SHOC2: variants seen among roughly 807,000 people sequenced by gnomAD.
SHOC2 encodes the protein leucine-rich repeat protein SHOC-2.
Under a neutral mutation model 50.2 loss-of-function variants are expected in SHOC2, and 4 were observed. The ratio of observed to expected loss-of-function variants is 0.08; its 90% CI spans 0.04 to 0.18. SHOC2 has a LOEUF of 0.18. Among genes scored for constraint, SHOC2 ranks in the 10% least tolerant of loss-of-function variants. SHOC2 has a pLI of 1.00. For missense variants in SHOC2, 388 were observed against 669.6 expected (o/e 0.58, Z 4.64); for synonymous variants, 218 against 244.5 (o/e 0.89, Z 1.01).
At chr10:111,006,576 T>C (rs1041319184) in intron 5 of SHOC2, among the ~76,000 whole-genome samples, 9 of 152,300 alleles carry the variant, frequency 5.9e-5, no homozygotes, top group Admixed American at 5.2e-4. Context: ...TTCACCGTTT[T>C]AGCCGGGATG....
intron 5 of SHOC2, among the ~76,000 whole-genome samples, chr10:111,006,142 G>C (rs769405278): frequency 2.6e-5 from 4 of 152,208 alleles, no homozygotes; most frequent in Non-Finnish European, 5.9e-5. Context: ...TTGCATGTAA[G>C]TAACAGTAGT....
intron 8 of SHOC2, among the ~76,000 whole-genome samples, chr10:111,010,868 A>G (rs1395362578): frequency 6.6e-6 from 1 of 152,152 alleles, no homozygotes; most frequent in East Asian, 1.9e-4. Flanking sequence ...CATGTAAACA[A>G]ATTGATTACA....
intron 2 of SHOC2, among the ~76,000 whole-genome samples, chr10:110,977,581 A>G (rs1847900983): frequency 1.3e-5 from 2 of 152,222 alleles, no homozygotes; most frequent in African/African-American, 2.4e-5. Flanking sequence ...TGTGAGCTTC[A>G]TAACATTTTC....
Position 110,964,139 on chromosome 10 carries a change from C to A in SHOC2, c.-220C>A. On this transcript the variant is annotated 5_prime_UTR_variant, in exon 2 of 9. Transcript: ENST00000369452. This position sits in a 1 kb window ranked among gnomAD's most constrained non-coding sequence, Gnocchi z 4.9. ...TTATATTTCAGGAACTCTAATGAAT[C>A]ATTGATTGACCAGCACTATTTTACC... 1.7e-6 allele frequency: 1 copy of A among 599,610 alleles called. No homozygotes were observed. The highest frequency in any genetic ancestry group is 2.9e-6 in the Non-Finnish European group (1 of 349,748). 37.1% of individuals were successfully genotyped at this position (599,610 alleles called of 1,614,324 possible).
chr10:110,982,110 G>T (rs1385662345), intron 2 of SHOC2, among the ~76,000 whole-genome samples: 1 of 146,862 alleles, frequency 6.8e-6, no homozygotes, highest in African/African-American at 2.5e-5. Flanking sequence ...GCGGTGTTTG[G>T]TTTTTTGTTC....
intron 3 of SHOC2, among the ~76,000 whole-genome samples, chr10:110,987,486 A>G (rs954049607): frequency 4.6e-5 from 7 of 152,160 alleles, no homozygotes; most frequent in African/African-American, 1.4e-4. Context: ...GTGGAAAGAG[A>G]TTACATATTC....
At chr10:110,944,037 T>C (rs188295618) in intron 1 of SHOC2, among the ~76,000 whole-genome samples, 1 of 152,362 alleles carries the variant, frequency 6.6e-6, no homozygotes, top group East Asian at 1.9e-4. Flanking sequence ...CTTGCTCGTC[T>C]CAAAGGAAGA....
At chr10:110,940,955 G>T in intron 1 of SHOC2, among the ~76,000 whole-genome samples, 2 of 108,476 alleles carry the variant, frequency 1.8e-5, no homozygotes, top group Non-Finnish European at 1.8e-5. Context: ...TTTTGTGACA[G>T]GGTCTAGCTC....
chr10:111,007,433 A>G (rs1291919565), intron 5 of SHOC2, 98 bp from the exon 6 acceptor site: 1 of 1,345,550 alleles, frequency 7.4e-7, no homozygotes, highest in African/African-American at 1.4e-5. Context: ...GGGGAATAAG[A>G]TTTTGTTTAA....
chr10:110,967,624 A>G (rs911545660), intron 2 of SHOC2, among the ~76,000 whole-genome samples: 1 of 152,108 alleles, frequency 6.6e-6, no homozygotes, highest in African/African-American at 2.4e-5. Context: ...ATCACTCCTA[A>G]TTTCTCCTAA....
chr10:111,000,378 G>C, intron 3 of SHOC2, 37 bp from the exon 4 acceptor site: 2 of 1,608,204 alleles, frequency 1.2e-6, no homozygotes, highest in Non-Finnish European at 1.7e-6. Flanking sequence ...ATCAGATTTT[G>C]TAAAAAATAA....
At chr10:110,990,413 C>T (rs1848160522) in intron 3 of SHOC2, among the ~76,000 whole-genome samples, 1 of 152,184 alleles carries the variant, frequency 6.6e-6, no homozygotes, top group Admixed American at 6.5e-5. Context: ...AATCAGCACC[C>T]TGTGTTTAGC....
chr10:110,999,062 G>A, intron 3 of SHOC2, among the ~76,000 whole-genome samples: 1 of 152,216 alleles, frequency 6.6e-6, no homozygotes, highest in Admixed American at 6.5e-5. Context: ...AAGAGGTTGT[G>A]AAGGCTGAAA....
rs573818622 is a variant in SHOC2 at position 110,934,322 on chromosome 10, C to G, written c.-235+14665C>G. On this transcript the variant is annotated intron_variant, in intron 1 of 8. Coordinates refer to ENST00000369452, the MANE Select transcript of SHOC2 (RefSeq NM_007373.4). ...AAATGTAAAGGAAAATAGAAACAAC[C>G]TAAATATCAGTTGATAATAGGAATG... 7.2e-5 allele frequency among the ~76,000 whole-genome samples: 11 copies of G among 152,006 alleles called. No individual in the cohort carries two copies. In the South Asian group the frequency reaches 2.1e-3, roughly 29 times the overall value.
At chr10:111,002,899 G>C (rs567197148) in intron 4 of SHOC2, among the ~76,000 whole-genome samples, 2 of 152,208 alleles carry the variant, frequency 1.3e-5, no homozygotes, top group East Asian at 3.9e-4. Context: ...TTTATCATAA[G>C]AGTCAATTCA....
At chr10:110,926,946 G>T (rs1846789167) in intron 1 of SHOC2, among the ~76,000 whole-genome samples, 1 of 152,092 alleles carries the variant, frequency 6.6e-6, no homozygotes, top group Non-Finnish European at 1.5e-5. Context: ...ATTTGTAGAG[G>T]TAGATACTAT....
At chr10:110,959,033 A>C (rs1336625607) in intron 1 of SHOC2, among the ~76,000 whole-genome samples, 1 of 152,224 alleles carries the variant, frequency 6.6e-6, no homozygotes, top group Non-Finnish European at 1.5e-5. Context: ...TATATAAGAA[A>C]AATATTGTAC....
intron 1 of SHOC2, among the ~76,000 whole-genome samples, chr10:110,962,160 C>T (rs1310635330): frequency 6.6e-6 from 1 of 151,940 alleles, no homozygotes; most frequent in Non-Finnish European, 1.5e-5. Flanking sequence ...ATCCTCTGTA[C>T]TTAATATATG....
intron 1 of SHOC2, among the ~76,000 whole-genome samples, chr10:110,960,913 G>A (rs1336432750): frequency 6.6e-6 from 1 of 152,168 alleles, no homozygotes; most frequent in Non-Finnish European, 1.5e-5. Context: ...CTGACCTTAA[G>A]TGATCCGCCT....
Sources: allele counts gnomAD v4.1 joint callset (sites outside exome capture counted in the v4.1 genomes callset), GRCh38; gene constraint gnomAD v4.1.1; non-coding constraint Gnocchi (gnomAD v3.1); transcripts MANE v1.5; gene names NCBI Gene and HGNC (gene_info 2026-07-23, HGNC 2026-07-21).